Variants in SCHIP1 observed in about 807,000 individuals in gnomAD.
SCHIP1 encodes the protein schwannomin interacting protein 1, also known as schwannomin-interacting protein 1.
SCHIP1 carries 8 observed loss-of-function variants against 29.7 expected under a neutral mutation model. The observed-to-expected ratio is 0.27, with a 90% CI of 0.16 to 0.49. SCHIP1 has a LOEUF of 0.49. SCHIP1 is among the 20% of genes least tolerant of loss of function. The pLI is 0.99. For synonymous variants in SCHIP1, 76 were observed against 94.9 expected (o/e 0.80, Z 1.16); for missense variants, 193 against 294.6 (o/e 0.66, Z 2.52).
At chr3:159,571,853 G>A in the SCHIP1 span, among the ~76,000 whole-genome samples, 1 of 152,124 alleles carries the variant, frequency 6.6e-6, no homozygotes, top group Non-Finnish European at 1.5e-5. Flanking sequence ...GTTTAGTCCT[G>A]GTAGGGTGTA....
chr3:159,839,951 T>G, exon 1 of SCHIP1: 2 of 1,418,252 alleles, frequency 1.4e-6, no homozygotes, highest in Non-Finnish European at 1.8e-6. Flanking sequence ...TTCCTAAGCC[T>G]GCCTCACTGG....
chr3:159,276,546 C>T, the SCHIP1 span, among the ~76,000 whole-genome samples: 4 of 152,192 alleles, frequency 2.6e-5, no homozygotes, highest in African/African-American at 7.2e-5. Context: ...TTATTCCTTT[C>T]TCTGTCCCAA....
the SCHIP1 span, among the ~76,000 whole-genome samples, chr3:159,365,097 TG>T: frequency 6.6e-6 from 1 of 152,182 alleles, no homozygotes; most frequent in Non-Finnish European, 1.5e-5. Flanking sequence ...GAGCAATGCC[TG>T]GATCGTGCTG....
intron 1 of SCHIP1, among the ~76,000 whole-genome samples, chr3:159,843,138 G>C (rs1744432247): frequency 1.3e-5 from 2 of 149,230 alleles, no homozygotes; most frequent in East Asian, 4.0e-4. Context: ...TCAGTCTCCT[G>C]AGTAGCTGGG....
the SCHIP1 span, chr3:159,387,224 C>T: frequency 1.0e-5 from 2 of 190,602 alleles, no homozygotes; most frequent in Non-Finnish European, 1.1e-5. Flanking sequence ...ATGATGTGGC[C>T]ACTGTACCTG....
the SCHIP1 span, among the ~76,000 whole-genome samples, chr3:159,349,590 T>C: frequency 6.6e-6 from 1 of 152,184 alleles, no homozygotes; most frequent in African/African-American, 2.4e-5. Flanking sequence ...GTGTCCCTAC[T>C]ACAATCTGTT....
At chr3:159,622,123 G>A in the SCHIP1 span, among the ~76,000 whole-genome samples, 1,183 of 152,314 alleles carry the variant, frequency 7.8e-3, 12 homozygotes, top group African/African-American at 0.027. Flanking sequence ...AAGCAGCTCT[G>A]TTTTCAGTCA....
the SCHIP1 span, among the ~76,000 whole-genome samples, chr3:159,572,884 CTT>C: frequency 2.4e-4 from 36 of 149,130 alleles, no homozygotes; most frequent in African/African-American, 8.8e-4. Flanking sequence ...CTCTTTTGAT[CTT>C]TGTTGGTTTA....
At chr3:159,698,106 G>A in the SCHIP1 span, among the ~76,000 whole-genome samples, 1 of 152,190 alleles carries the variant, frequency 6.6e-6, no homozygotes, top group African/African-American at 2.4e-5. Flanking sequence ...CTTATATGTG[G>A]GGAGGCAACA....
At chr3:159,612,939 A>G in the SCHIP1 span, among the ~76,000 whole-genome samples, 1 of 152,210 alleles carries the variant, frequency 6.6e-6, no homozygotes, top group African/African-American at 2.4e-5. Flanking sequence ...TAATTATATG[A>G]TGAGGTAGAT....
At chr3:159,715,448 C>T in the SCHIP1 span, among the ~76,000 whole-genome samples, 2 of 151,936 alleles carry the variant, frequency 1.3e-5, no homozygotes. Context: ...AATAACAAAC[C>T]TCTCTGAGCT....
chr3:159,564,469 C>T, the SCHIP1 span, among the ~76,000 whole-genome samples: 1 of 152,040 alleles, frequency 6.6e-6, no homozygotes, highest in Non-Finnish European at 1.5e-5. Flanking sequence ...CTCTGCCTCC[C>T]GAGTTCAAGT....
intron 2 of SCHIP1, among the ~76,000 whole-genome samples, chr3:159,881,956 G>A (rs776507585): frequency 1.3e-5 from 2 of 152,212 alleles, no homozygotes; most frequent in Non-Finnish European, 1.5e-5. Flanking sequence ...AAGTTACACC[G>A]CCAGCAGGCT....
the SCHIP1 span, among the ~76,000 whole-genome samples, chr3:159,626,141 T>TAG: frequency 7.3e-5 from 7 of 95,628 alleles, no homozygotes; most frequent in South Asian, 2.7e-4. Context: ...TAGATAGATA[T>TAG]ATCTAGATAT....
chr3:159,673,710 G>A, the SCHIP1 span, among the ~76,000 whole-genome samples: 1 of 152,166 alleles, frequency 6.6e-6, no homozygotes, highest in South Asian at 2.1e-4. Context: ...TTGTCAGAGG[G>A]GAGAGCTGAG....
the SCHIP1 span, among the ~76,000 whole-genome samples, chr3:159,493,812 C>G: frequency 6.6e-5 from 10 of 152,288 alleles, no homozygotes; most frequent in East Asian, 1.9e-3. Flanking sequence ...CTTCTCAGCA[C>G]CACACCACAC....
the SCHIP1 span, among the ~76,000 whole-genome samples, chr3:159,315,979 C>T: frequency 2.6e-5 from 4 of 151,910 alleles, no homozygotes. Context: ...AGAAGATTTT[C>T]CTACTTTCTT....
At chr3:159,472,096 G>C in the SCHIP1 span, among the ~76,000 whole-genome samples, 1 of 152,052 alleles carries the variant, frequency 6.6e-6, no homozygotes. Context: ...GTTAACTCTT[G>C]TACTGGATAG....
chr3:159,405,151 G>A, the SCHIP1 span, among the ~76,000 whole-genome samples: 7 of 152,092 alleles, frequency 4.6e-5, no homozygotes, highest in South Asian at 2.1e-4. Context: ...TTGAACACCC[G>A]AAAGCCTTCC....
Sources: allele counts gnomAD v4.1 joint callset (sites outside exome capture counted in the v4.1 genomes callset), GRCh38; gene constraint gnomAD v4.1.1; transcripts MANE v1.5; gene names NCBI Gene and HGNC (gene_info 2026-07-23, HGNC 2026-07-21).